KIAA1217: variants seen among roughly 807,000 people sequenced by gnomAD.
KIAA1217 encodes KIAA1217.
Under a neutral mutation model 163.9 loss-of-function variants are expected in KIAA1217, and 88 were observed. That is an observed-to-expected ratio of 0.54 (90% CI 0.45 to 0.64). The LOEUF is 0.64. KIAA1217 is among the 30% of genes least tolerant of loss of function. The pLI is 0.00. For synonymous variants in KIAA1217, 903 were observed against 923.1 expected (o/e 0.98, Z 0.39); for missense variants, 2,372 against 2,475.0 (o/e 0.96, Z 0.88).
intron 2 of KIAA1217, among the ~76,000 whole-genome samples, chr10:24,067,327 G>A (rs1007969887): frequency 1.2e-4 from 19 of 152,070 alleles, no homozygotes; most frequent in Non-Finnish European, 2.8e-4. Context: ...TTTTGGTATG[G>A]ATGTCCTTTC....
chr10:24,183,362 G>A (rs2066271398), intron 2 of KIAA1217, among the ~76,000 whole-genome samples: 1 of 152,058 alleles, frequency 6.6e-6, no homozygotes, highest in South Asian at 2.1e-4. Flanking sequence ...GGAAATAATG[G>A]AAAGCTACAG....
chr10:24,194,133 G>A (rs1337164378), intron 2 of KIAA1217, among the ~76,000 whole-genome samples: 3 of 152,020 alleles, frequency 2.0e-5, no homozygotes, highest in Non-Finnish European at 2.9e-5. Context: ...GTTGCAGTGA[G>A]CTGAGATCAC....
intron 3 of KIAA1217, among the ~76,000 whole-genome samples, chr10:24,403,343 A>T (rs1219458080): frequency 6.6e-6 from 1 of 152,148 alleles, no homozygotes; most frequent in Non-Finnish European, 1.5e-5. Flanking sequence ...GGTTCGAGCA[A>T]TTCTTCTGCC....
At chr10:24,055,859 A>G (rs2060511973) in intron 2 of KIAA1217, among the ~76,000 whole-genome samples, 1 of 152,102 alleles carries the variant, frequency 6.6e-6, no homozygotes, top group South Asian at 2.1e-4. Flanking sequence ...TTTGATAGCT[A>G]TAAATAGAAG....
intron 16 of KIAA1217, among the ~76,000 whole-genome samples, chr10:24,534,272 AG>A (rs2073611876): frequency 1.3e-5 from 2 of 152,208 alleles, no homozygotes; most frequent in Admixed American, 1.3e-4. Flanking sequence ...CACATACGTG[AG>A]CCCTTTCACA....
intron 1 of KIAA1217, among the ~76,000 whole-genome samples, chr10:23,762,384 C>T (rs1834305290): frequency 6.6e-6 from 1 of 151,736 alleles, no homozygotes; most frequent in African/African-American, 2.4e-5. Context: ...ACGGGCAAAC[C>T]AAATCCAGTA....
chr10:24,241,903 TGAA>T (rs1417898687), intron 2 of KIAA1217, among the ~76,000 whole-genome samples: 5 of 152,166 alleles, frequency 3.3e-5, no homozygotes, highest in Admixed American at 2.0e-4. Context: ...AGGCTCTTAA[TGAA>T]GTATTGAGTA....
intron 2 of KIAA1217, among the ~76,000 whole-genome samples, chr10:24,007,753 C>T (rs931467909): frequency 1.5e-4 from 23 of 152,090 alleles, no homozygotes; most frequent in African/African-American, 2.9e-4. Context: ...ATAGAGGGAA[C>T]GGTGTAGATA....
chr10:23,925,910 G>T (rs1843001061), intron 1 of KIAA1217, among the ~76,000 whole-genome samples: 1 of 152,154 alleles, frequency 6.6e-6, no homozygotes, highest in Admixed American at 6.5e-5. Flanking sequence ...GCAAATGGGT[G>T]TCAAAACAGC....
At chr10:24,316,622 C>T (rs181364264) in intron 2 of KIAA1217, among the ~76,000 whole-genome samples, 104 of 152,260 alleles carry the variant, frequency 6.8e-4, no homozygotes, top group African/African-American at 2.5e-3. Context: ...TCATTGTCCT[C>T]ATCCACAGAT....
chr10:24,155,693 G>A (rs1387428244), intron 2 of KIAA1217, among the ~76,000 whole-genome samples: 1 of 151,966 alleles, frequency 6.6e-6, no homozygotes, highest in East Asian at 1.9e-4. Context: ...TCAGTGGCGG[G>A]CACCTGTAAT....
At chr10:23,837,463 A>T (rs1029052636) in intron 1 of KIAA1217, among the ~76,000 whole-genome samples, 1 of 152,190 alleles carries the variant, frequency 6.6e-6, no homozygotes, top group Admixed American at 6.6e-5. Flanking sequence ...ATGCACCCCA[A>T]GGACATTCTT....
chr10:24,223,862 A>G (rs533433991), intron 2 of KIAA1217, among the ~76,000 whole-genome samples: 1 of 115,612 alleles, frequency 8.6e-6, no homozygotes, highest in South Asian at 3.3e-4. Flanking sequence ...CCACCCCCAG[A>G]TAACTGGGAG....
intron 1 of KIAA1217, among the ~76,000 whole-genome samples, chr10:23,871,855 T>C (rs1588987839): frequency 6.6e-6 from 1 of 152,008 alleles, no homozygotes; most frequent in East Asian, 1.9e-4. Flanking sequence ...ATCACCAACG[T>C]GTCATTTCAA....
chr10:23,757,624 T>G (rs1833990048), intron 1 of KIAA1217, among the ~76,000 whole-genome samples: 1 of 152,132 alleles, frequency 6.6e-6, no homozygotes, highest in Non-Finnish European at 1.5e-5. Context: ...TTCCCATGAT[T>G]CTCTTGCCTC....
At position 24,544,996 on chromosome 10, in the gene KIAA1217, C is replaced by T. The variant is rs146630453; in HGVS notation, c.5227C>T (p.Pro1743Ser). ...SASRKGSSGA[P>S]QTSRMPVPMS... is the part of the protein sequence containing the mutation. ...CTTCCCACAGGGCTCCAGCGGGGCC[C>T]CACAGACGAGCAGGATGCCTGTCCC... Residue 1743 changes from proline to serine, a missense_variant, in exon 20 of 21, where the codon CCA (proline) becomes TCA (serine). Around this residue, in one of 3 missense-constraint regions of KIAA1217, gnomAD observed 690 missense variants for 677.5 expected, o/e 1.02. Transcript: ENST00000376454. 1.9e-6 allele frequency: 3 copies of T among 1,614,002 alleles called. No homozygotes were observed. Among genetic ancestry groups the T allele is most frequent in the East Asian group, 2.2e-5 (1 of 44,892 alleles).
At chr10:24,355,905 C>T (rs879543024) in intron 2 of KIAA1217, among the ~76,000 whole-genome samples, 8 of 151,304 alleles carry the variant, frequency 5.3e-5, no homozygotes, top group South Asian at 4.2e-4. Flanking sequence ...TCTGCCACCA[C>T]GCCCGGCTAA....
intron 5 of KIAA1217, among the ~76,000 whole-genome samples, chr10:24,472,558 C>T (rs1024150926): frequency 6.6e-6 from 1 of 152,126 alleles, no homozygotes; most frequent in East Asian, 1.9e-4. Context: ...TACACTAGAC[C>T]TGCATTTATT....
chr10:24,330,986 C>G (rs1456677249), intron 2 of KIAA1217, among the ~76,000 whole-genome samples: 2 of 151,364 alleles, frequency 1.3e-5, no homozygotes, highest in Non-Finnish European at 2.9e-5. Context: ...CTGTGTTGCC[C>G]AGGCTGGAGT....
Sources: allele counts gnomAD v4.1 joint callset (sites outside exome capture counted in the v4.1 genomes callset), GRCh38; gene constraint gnomAD v4.1.1; regional missense constraint gnomAD v4.1.1; transcripts MANE v1.5; gene names NCBI Gene and HGNC (gene_info 2026-07-23, HGNC 2026-07-21).